CEP170B: variants seen among roughly 807,000 people sequenced by gnomAD.
CEP170B encodes centrosomal protein of 170 kDa protein B.
In CEP170B, 55 loss-of-function variants were observed where a neutral mutation model predicts 120.6. The ratio of observed to expected loss-of-function variants is 0.46; its 90% CI spans 0.37 to 0.57. The LOEUF (loss-of-function observed/expected upper bound fraction) is 0.57, where lower values mean the gene tolerates loss of function less well. Ranked by LOEUF, CEP170B falls within the 20% of genes least tolerant of loss-of-function variation. The pLI, the probability that CEP170B is intolerant of heterozygous loss-of-function variation, is 0.00. For missense variants in CEP170B, 2,212 were observed against 2,253.3 expected (o/e 0.98, Z 0.37); for synonymous variants, 1,033 against 954.5 (o/e 1.08, Z -1.52).
At chr14:104,872,665 G>A (rs184956007) in intron 2 of CEP170B, among the ~76,000 whole-genome samples, 4 of 152,258 alleles carry the variant, frequency 2.6e-5, no homozygotes, top group Middle Eastern at 3.4e-3. Context: ...ACCACAGCCT[G>A]GGCAGGCCCT....
rs765918822 is a variant in CEP170B at position 104,887,514 on chromosome 14, G to A, written c.3275G>A (p.Arg1092Gln). 3.0e-5 allele frequency: 49 copies of A among 1,611,428 alleles called. No individual in the cohort carries two copies. The highest frequency in any genetic ancestry group is 3.6e-5 in the Non-Finnish European group (43 of 1,179,566). ...PAAPPPSPAA[R>Q]EEQSRSSASS... is the part of the protein sequence containing the mutation. ...GCCCCACCGCCATCCCCAGCTGCCC[G>A]GGAGGAGCAGAGCCGTAGCTCAGCC... Residue 1092 changes from arginine (R) to glutamine (Q), a missense_variant, in exon 12 of 19, where the codon CGG becomes CAG. Around this residue, in one of 2 missense-constraint regions of CEP170B, gnomAD observed 2,166 missense variants for 2,166.7 expected, o/e 1.00. Coordinates refer to ENST00000414716, the MANE Select transcript of CEP170B (RefSeq NM_001112726.3).
At chr14:104,877,770 C>T (rs1183047966) in intron 3 of CEP170B, 115 bp from the exon 4 acceptor site, 4 of 687,000 alleles carry the variant, frequency 5.8e-6, no homozygotes, top group African/African-American at 5.3e-5. Flanking sequence ...GAGTTGGTGC[C>T]CCCGCGGCCC....
rs760914367 is a variant in CEP170B, at chr14:104,893,057, C to A, written c.3960C>A (p.Gly1320=). 72 of 1,599,078 alleles carry A rather than the reference C, an allele frequency of 4.5e-5. No homozygotes were observed. The highest frequency in any genetic ancestry group is 6.0e-5 in the Non-Finnish European group (71 of 1,174,672). The stretch of plus-strand genomic sequence containing the variant: ...TGGCTGGGGACGGTGACACACTGGG[C>A]TCCTCGGAGCCTGCCCACAGCGCCT... The part of the protein sequence containing the change: ...HDVAGDGDTL[G]SSEPAHSASL... Residue 1320 remains glycine (G), a synonymous_variant, in exon 14 of 19, where the codon GGC becomes GGA. Coordinates refer to ENST00000414716, the MANE Select transcript of CEP170B (RefSeq NM_001112726.3).
At position 104,883,196 on chromosome 14, in the gene CEP170B, A is replaced by T; in HGVS notation, c.739A>T (p.Met247Leu). ...GCCCCCCGAGGTGCCGGCACACGAG[A>T]TGCCCACGAAGGATGCAGAGGCAGG... ...SQPPEVPAHE[M>L]PTKDAEAGGG... The change falls in exon 8 of 19, where the codon ATG becomes TTG. Residue 247 changes from methionine (M) to leucine (L), a missense_variant. Transcript: ENST00000414716. 1 of 1,610,324 alleles carries T rather than the reference A, an allele frequency of 6.2e-7. No homozygotes were observed. The highest frequency in any genetic ancestry group is 1.1e-5 in the South Asian group (1 of 90,874).
In CEP170B at chr14:104,868,350, C is replaced by T; in HGVS notation, c.-27-74C>T. On this transcript the variant is annotated intron_variant, in intron 1 of 18. Coordinates refer to ENST00000414716, the MANE Select transcript of CEP170B (RefSeq NM_001112726.3). The surrounding 1 kb of genome is among the most constrained non-coding windows in gnomAD (Gnocchi z 5.9). ...TTCCCTTAGAGGGTCAGGATCTGGG[C>T]TGGGCCTTGGATGTGTCCAGGGGGC... The T allele has an allele frequency of 9.5e-7, 1 of 1,056,730 alleles. No homozygotes were observed. The highest frequency in any genetic ancestry group is 1.4e-6 in the Non-Finnish European group (1 of 729,182). 65.5% of individuals were successfully genotyped at this position (1,056,730 alleles called of 1,614,324 possible).
chr14:104,895,159 C>T lies in CEP170B; in HGVS notation c.*201C>T. ...CTACTCACCCTGTCCAGCCCCATGG[C>T]CACCCCCACCCCTGCCTCGCCCCCT... On this transcript the variant is annotated 3_prime_UTR_variant, in exon 19 of 19. Coordinates refer to ENST00000414716, the MANE Select transcript of CEP170B (RefSeq NM_001112726.3). 5.3e-6 allele frequency: 3 copies of T among 568,384 alleles called. No homozygotes were observed. Among genetic ancestry groups the T allele is most frequent in the South Asian group, 2.6e-5 (1 of 38,304 alleles). 35.2% of individuals were successfully genotyped at this position (568,384 alleles called of 1,614,324 possible). A position where few individuals can be genotyped will look rare whatever the true frequency, so the allele number is the denominator to read the frequency against.
rs1440755772 is a variant in CEP170B at position 104,870,287 on chromosome 14, A to G, written c.105+1732A>G. 6.6e-6 allele frequency among the ~76,000 whole-genome samples: 1 copy of G among 152,210 alleles called. No homozygotes were observed. Among genetic ancestry groups the G allele is most frequent in the African/African-American group, 2.4e-5 (1 of 41,460 alleles). ...CAATTTCCCATAATTTTCATGTGTC[A>G]TGAAATAGCCTTTTGATGATTTTCA... is the stretch of plus-strand genomic sequence containing the variant. On this transcript the variant is annotated intron_variant, in intron 2 of 18. Transcript: ENST00000414716. The surrounding 1 kb of genome is among the most constrained non-coding windows in gnomAD (Gnocchi z 4.1).
Position 104,883,239 on chromosome 14 carries a change from C to T in CEP170B, c.782C>T (p.Pro261Leu). Residue 261 changes from proline (P) to leucine (L), a missense_variant, in exon 8 of 19, where the codon CCT becomes CTT. This residue lies in a region of CEP170B where 2,166 missense variants were observed against 2,166.7 expected (regional missense o/e 1.00). Coordinates refer to ENST00000414716, the MANE Select transcript of CEP170B (RefSeq NM_001112726.3). ...GAGGCAGGTGGGGGCGGAGCGGCCC[C>T]TGTGGTGCAGAGCCACGCCTCCTTC... ...DAEAGGGGAAPVVQSHASFTI... is the reference protein window; with the variant it reads ...DAEAGGGGAALVVQSHASFTI... 1 of 1,611,476 alleles carries T rather than the reference C, an allele frequency of 6.2e-7. No individual in the cohort carries two copies. Among genetic ancestry groups the T allele is most frequent in the South Asian group, 1.1e-5 (1 of 90,978 alleles).
At chr14:104,871,669 G>A (rs769278752) in intron 2 of CEP170B, among the ~76,000 whole-genome samples, 3 of 152,170 alleles carry the variant, frequency 2.0e-5, no homozygotes, top group Non-Finnish European at 2.9e-5. Flanking sequence ...TGGGGACTGG[G>A]CGGTCAGCAG....
rs751800126 is a variant in CEP170B at position 104,884,555 on chromosome 14, G to A, written c.1770+6G>A. On this transcript the variant is annotated splice_donor_region_variant and intron_variant, in intron 9 of 18. Coordinates refer to ENST00000414716, the MANE Select transcript of CEP170B (RefSeq NM_001112726.3). The stretch of plus-strand genomic sequence containing the variant: ...CCCGGAAGATGATCGACCAGGTGCA[G>A]CCCAGCGGCGAGTGAGAGCCCTCGT... 2.6e-6 allele frequency: 4 copies of A among 1,553,086 alleles called. No homozygotes were observed. The East Asian group carries it at 7.2e-5, about 28-fold the overall frequency.
At position 104,886,499 on chromosome 14, in the gene CEP170B, G is replaced by C; in HGVS notation, c.2260G>C (p.Asp754His). 1 of 1,510,478 alleles carries C rather than the reference G, an allele frequency of 6.6e-7. No individual in the cohort carries two copies. The highest frequency in any genetic ancestry group is 8.8e-7 in the Non-Finnish European group (1 of 1,133,184). The allele number at this position is 1,510,478 out of a possible 1,614,324, so 93.6% of individuals were successfully genotyped here. A position where few individuals can be genotyped will look rare whatever the true frequency, so the allele number is the denominator to read the frequency against. Residue 754 changes from aspartate (D) to histidine (H), a missense_variant, in exon 12 of 19, where the codon GAC becomes CAC. By Grantham distance (81) the Asp-to-His change is moderately conservative (BLOSUM62 -1). Coordinates refer to ENST00000414716, the MANE Select transcript of CEP170B (RefSeq NM_001112726.3). ...PDSLSDASGS[D>H]GGRGPEPGVE... ...CAGCCTCAGCGATGCCAGTGGGTCG[G>C]ACGGGGGCCGAGGCCCCGAGCCAGG...
At position 104,894,363 on chromosome 14, in the gene CEP170B, G is replaced by T; in HGVS notation, c.4350G>T (p.Leu1450=). The change falls in exon 17 of 19, where the codon CTG becomes CTT. Residue 1450 remains leucine (L), a synonymous_variant. Coordinates refer to ENST00000414716, the MANE Select transcript of CEP170B (RefSeq NM_001112726.3). ...RINAENEVPI[L]KTSNKEISSI... Reference sequence around the variant, plus strand: ...ACGCCGAGAACGAGGTGCCCATCCTGAAGACATCTAACAAGGTGAGCGCTG... The same window carrying T: ...ACGCCGAGAACGAGGTGCCCATCCTTAAGACATCTAACAAGGTGAGCGCTG... 6.2e-7 allele frequency: 1 copy of T among 1,613,476 alleles called. No homozygotes were observed. The highest frequency in any genetic ancestry group is 8.5e-7 in the Non-Finnish European group (1 of 1,179,846).
At position 104,896,438 on chromosome 14, in the gene CEP170B, G is replaced by A. The variant is rs1268101123; in HGVS notation, c.*1480G>A. The A allele has an allele frequency of 1.0e-5, 4 of 386,992 alleles. No individual in the cohort carries two copies. The highest frequency in any genetic ancestry group is 2.1e-5 in the Non-Finnish European group (4 of 191,830). 24.0% of individuals were successfully genotyped at this position (386,992 alleles called of 1,614,324 possible). A position where few individuals can be genotyped will look rare whatever the true frequency, so the allele number is the denominator to read the frequency against. ...ACCGGGCTGCTGCCCACCCCTGCAT[G>A]CCCCAGTTGCCCACCCCGCCTGCCC... is the stretch of plus-strand genomic sequence containing the variant. On this transcript the variant is annotated 3_prime_UTR_variant, in exon 19 of 19. Coordinates refer to ENST00000414716, the MANE Select transcript of CEP170B (RefSeq NM_001112726.3).
chr14:104,884,547 C>A lies in CEP170B; in HGVS notation c.1768C>A (p.Gln590Lys). 1 of 1,555,810 alleles carries A rather than the reference C, an allele frequency of 6.4e-7. No individual in the cohort carries two copies. Among genetic ancestry groups the A allele is most frequent in the Non-Finnish European group, 8.7e-7 (1 of 1,150,020 alleles). The change falls in exon 9 of 19, where the codon CAG becomes AAG. Residue 590 changes from glutamine to lysine, a missense_variant and splice_region_variant. Physicochemically the swap from Gln to Lys is moderately conservative, Grantham distance 53 (BLOSUM62 1). Transcript: ENST00000414716. ...EVEEARKMID[Q>K]VFGVLESPEL... is the part of the protein sequence containing the mutation. ...GGAGGAGGCCCGGAAGATGATCGAC[C>A]AGGTGCAGCCCAGCGGCGAGTGAGA...
At position 104,895,011 on chromosome 14, in the gene CEP170B, G is replaced by A. The variant is rs557089689; in HGVS notation, c.*53G>A. Reference sequence around the variant, plus strand: ...CTGTGCGTGTGCGTCTCTGCCTTCCGTCCGCCGCACACCCGCCTGCCTGGC... The same window carrying A: ...CTGTGCGTGTGCGTCTCTGCCTTCCATCCGCCGCACACCCGCCTGCCTGGC... On this transcript the variant is annotated 3_prime_UTR_variant, in exon 19 of 19. Transcript: ENST00000414716. 1.7e-3 allele frequency: 2,419 copies of A among 1,457,166 alleles called. 2 individuals carry two copies. Among genetic ancestry groups the A allele is most frequent in the Non-Finnish European group, 2.0e-3 (2,158 of 1,097,910 alleles). 90.3% of individuals were successfully genotyped at this position (1,457,166 alleles called of 1,614,324 possible). A position where few individuals can be genotyped will look rare whatever the true frequency, so the allele number is the denominator to read the frequency against.
chr14:104,874,327 C>A (rs1402086573), intron 2 of CEP170B, among the ~76,000 whole-genome samples: 1 of 152,282 alleles, frequency 6.6e-6, no homozygotes, highest in East Asian at 1.9e-4. Context: ...GTGCCAGCTT[C>A]GGAGAAGGAA....
intron 2 of CEP170B, among the ~76,000 whole-genome samples, chr14:104,872,754 A>G (rs1229021417): frequency 2.0e-5 from 3 of 152,188 alleles, no homozygotes; most frequent in Admixed American, 6.5e-5. Context: ...GTGAGCTGGC[A>G]GGAGGGTGTG....
In CEP170B at chr14:104,878,092, C is replaced by G. The variant is rs1895957805; in HGVS notation, c.274+129C>G. 4.0e-6 allele frequency: 3 copies of G among 756,062 alleles called. No individual in the cohort carries two copies. In the Admixed American group the frequency reaches 7.0e-5, roughly 18 times the overall value. The allele number at this position is 756,062 out of a possible 1,614,324, so 46.8% of individuals were successfully genotyped here. A position where few individuals can be genotyped will look rare whatever the true frequency, so the allele number is the denominator to read the frequency against. The stretch of plus-strand genomic sequence containing the variant: ...GGGTAACAGAGCACCAAGGATGACC[C>G]TAGGGCTGGGCTCCACCTGCTGATG... On this transcript the variant is annotated intron_variant, in intron 4 of 18. Transcript: ENST00000414716.
rs1192271636 is a variant in CEP170B at position 104,896,651 on chromosome 14, T to C, written c.*1693T>C. 4 of 456,154 alleles carry C rather than the reference T, an allele frequency of 8.8e-6. No individual in the cohort carries two copies. Among genetic ancestry groups the C allele is most frequent in the Non-Finnish European group, 1.8e-5 (4 of 226,960 alleles). The allele number at this position is 456,154 out of a possible 1,614,324, so 28.3% of individuals were successfully genotyped here. A position where few individuals can be genotyped will look rare whatever the true frequency, so the allele number is the denominator to read the frequency against. On this transcript the variant is annotated 3_prime_UTR_variant, in exon 19 of 19. Coordinates refer to ENST00000414716, the MANE Select transcript of CEP170B (RefSeq NM_001112726.3). ...TCTCGGAGGGTTCACTGTACATTCG[T>C]TCTCAGGTGGTCTTGTGGCTGTCTT...
Sources: gnomAD v4.1 joint callset for allele counts (sites outside exome capture counted in the v4.1 genomes callset) on GRCh38, gnomAD v4.1.1 for gene constraint, gnomAD v4.1.1 regional missense constraint, Gnocchi (gnomAD v3.1) non-coding constraint, MANE v1.5 for transcripts, NCBI Gene and HGNC (gene_info 2026-07-23, HGNC 2026-07-21) for gene names.